SLC25A48: variants seen among roughly 807,000 people sequenced by gnomAD.
SLC25A48 encodes CTC-321K16.1.
A neutral mutation model predicts 32.2 loss-of-function variants in SLC25A48; 29 were observed. The observed-to-expected ratio is 0.90, with a 90% CI of 0.67 to 1.23. The LOEUF is 1.23. SLC25A48 is among the 50% of genes most tolerant of loss of function. The pLI is 0.00. For missense variants in SLC25A48, 399 were observed against 422.7 expected (o/e 0.94, Z 0.49); for synonymous variants, 164 against 172.3 (o/e 0.95, Z 0.38).
chr5:135,638,705 A>G (rs1752764817), intron 3 of SLC25A48, among the ~76,000 whole-genome samples: 1 of 152,244 alleles, frequency 6.6e-6, no homozygotes, highest in Non-Finnish European at 1.5e-5. Flanking sequence ...TTGATAAGGT[A>G]TCATGTCATA....
At chr5:135,736,127 C>T (rs544310152) in intron 3 of SLC25A48, among the ~76,000 whole-genome samples, 9 of 151,794 alleles carry the variant, frequency 5.9e-5, no homozygotes, top group Non-Finnish European at 8.8e-5. Context: ...AAAGACTCAG[C>T]GACACTTGGG....
intron 3 of SLC25A48, chr5:135,802,936 G>A (rs570082845): frequency 3.9e-4 from 59 of 151,464 alleles, no homozygotes; most frequent in African/African-American, 1.4e-3. Context: ...TGCACCTTGT[G>A]ATATTCATAA....
intron 3 of SLC25A48, among the ~76,000 whole-genome samples, chr5:135,771,901 A>C (rs896095701): frequency 1.3e-5 from 2 of 150,972 alleles, no homozygotes; most frequent in Admixed American, 6.6e-5. Context: ...AGAGGATGCT[A>C]TTACTTCCAA....
chr5:135,745,957 G>T (rs768346810), intron 3 of SLC25A48, among the ~76,000 whole-genome samples: 1 of 152,028 alleles, frequency 6.6e-6, no homozygotes, highest in Non-Finnish European at 1.5e-5. Context: ...CTTCTGTCCC[G>T]GATCCTCTTA....
intron 3 of SLC25A48, among the ~76,000 whole-genome samples, chr5:135,792,513 C>G (rs1488595661): frequency 6.7e-6 from 1 of 149,262 alleles, no homozygotes; most frequent in African/African-American, 2.6e-5. Context: ...CCTCTGGTTA[C>G]ATGTAATGTA....
chr5:135,723,380 T>TCACTCACACACACACA (rs1554069650), intron 3 of SLC25A48, among the ~76,000 whole-genome samples: 2 of 111,714 alleles, frequency 1.8e-5, no homozygotes, highest in Non-Finnish European at 3.7e-5. Context: ...TCTCTCTCTC[T>TCACTCACACACACACA]CACACACACA....
intron 3 of SLC25A48, among the ~76,000 whole-genome samples, chr5:135,755,320 T>C (rs1755869767): frequency 6.6e-6 from 1 of 152,124 alleles, no homozygotes; most frequent in Non-Finnish European, 1.5e-5. Flanking sequence ...ATAGTTATCA[T>C]ATTTAGTGTC....
chr5:135,665,375 G>T (rs750945105), intron 3 of SLC25A48, among the ~76,000 whole-genome samples: 9 of 152,064 alleles, frequency 5.9e-5, no homozygotes, highest in Non-Finnish European at 1.3e-4. Context: ...TCTGTGGATT[G>T]TCTGTTTACT....
chr5:135,648,869 G>A (rs899515796), intron 3 of SLC25A48: 9 of 152,298 alleles, frequency 5.9e-5, no homozygotes, highest in African/African-American at 2.2e-4. Flanking sequence ...GAAGAGGCAG[G>A]AGAAGACAAG....
intron 3 of SLC25A48, among the ~76,000 whole-genome samples, chr5:135,722,697 G>T (rs1754984914): frequency 1.3e-5 from 2 of 152,238 alleles, no homozygotes; most frequent in Admixed American, 6.5e-5. Flanking sequence ...AAAGCTTTCA[G>T]AACAGTGTCA....
At chr5:135,820,483 C>G (rs1757856202) in intron 4 of SLC25A48, among the ~76,000 whole-genome samples, 1 of 152,128 alleles carries the variant, frequency 6.6e-6, no homozygotes, top group Non-Finnish European at 1.5e-5. Flanking sequence ...TCATGAACAG[C>G]ACACTTTACG....
intron 3 of SLC25A48, among the ~76,000 whole-genome samples, chr5:135,651,734 T>G (rs1441443678): frequency 6.6e-6 from 1 of 152,240 alleles, no homozygotes; most frequent in Admixed American, 6.5e-5. Context: ...TTGTCCTCAT[T>G]GGACCTTATG....
At chr5:135,750,290 A>ATTACATTAATT (rs1422032664) in intron 3 of SLC25A48, among the ~76,000 whole-genome samples, 3 of 152,116 alleles carry the variant, frequency 2.0e-5, no homozygotes, top group Admixed American at 2.0e-4. Flanking sequence ...TAATGGTTTA[A>ATTACATTAATT]AACCACCATG....
chr5:135,602,210 T>G (rs1276249253), intron 1 of SLC25A48, among the ~76,000 whole-genome samples: 4 of 152,256 alleles, frequency 2.6e-5, no homozygotes, highest in African/African-American at 9.6e-5. Context: ...TTGTATGTGC[T>G]GCTAAAGGAA....
intron 1 of SLC25A48, among the ~76,000 whole-genome samples, chr5:135,588,571 C>A (rs900201490): frequency 1.3e-5 from 2 of 152,106 alleles, no homozygotes; most frequent in African/African-American, 4.8e-5. Flanking sequence ...TGCGAGGATT[C>A]CAGATGGGGG....
chr5:135,751,076 A>C (rs1276395505), intron 3 of SLC25A48, among the ~76,000 whole-genome samples: 1 of 152,216 alleles, frequency 6.6e-6, no homozygotes, highest in Non-Finnish European at 1.5e-5. Context: ...CCAGATCCAC[A>C]GCTGGCTGTA....
At chr5:135,840,704 ATGT>A (rs756590135) in intron 1 of SLC25A48, among the ~76,000 whole-genome samples, 5 of 152,154 alleles carry the variant, frequency 3.3e-5, no homozygotes, top group Non-Finnish European at 2.9e-5. Flanking sequence ...ATTTAGCATA[ATGT>A]TTTGGAGGTG....
At chr5:135,686,772 T>C (rs1218341579) in intron 3 of SLC25A48, among the ~76,000 whole-genome samples, 1 of 152,006 alleles carries the variant, frequency 6.6e-6, no homozygotes, top group African/African-American at 2.4e-5. Flanking sequence ...GATGGATAGA[T>C]AGAGGGAATG....
chr5:135,788,940 T>C (rs1756934883), intron 3 of SLC25A48, among the ~76,000 whole-genome samples: 2 of 141,904 alleles, frequency 1.4e-5, no homozygotes, highest in South Asian at 4.6e-4. Flanking sequence ...GGGAAGAGGG[T>C]GGTATTACTT....
Sources: allele counts gnomAD v4.1 joint callset (sites outside exome capture counted in the v4.1 genomes callset), GRCh38; gene constraint gnomAD v4.1.1; transcripts MANE v1.5; gene names NCBI Gene and HGNC (gene_info 2026-07-23, HGNC 2026-07-21).